The following EXOC4 variants were observed in gnomAD, a reference collection of about 807,000 sequenced individuals.
EXOC4 encodes exocyst complex component 4, also known as SEC8-like 1.
A neutral mutation model predicts 107.2 loss-of-function variants in EXOC4; 71 were observed. The ratio of observed to expected loss-of-function variants is 0.66; its 90% CI spans 0.55 to 0.81. EXOC4 has a LOEUF of 0.81. EXOC4 is among the 30% of genes least tolerant of loss of function. The pLI is 0.00. For synonymous variants in EXOC4, 456 were observed against 441.2 expected, an observed-to-expected ratio of 1.03 and a Z score of -0.42; for missense variants, 1,108 against 1,189.6, an observed-to-expected ratio of 0.93 and a Z score of 1.01.
chr7:133,969,999 G>T (rs1477395765), intron 14 of EXOC4, among the ~76,000 whole-genome samples: 1 of 152,178 alleles, frequency 6.6e-6, no homozygotes. Flanking sequence ...TTATCCATAA[G>T]CCCCTGACTG....
chr7:133,484,681 T>G (rs1473161420), intron 9 of EXOC4, among the ~76,000 whole-genome samples: 1 of 152,136 alleles, frequency 6.6e-6, no homozygotes, highest in Non-Finnish European at 1.5e-5. Context: ...TTTAGGGGAA[T>G]GTTGTGACTA....
chr7:133,436,545 T>A (rs946308588), intron 7 of EXOC4, among the ~76,000 whole-genome samples: 4 of 151,810 alleles, frequency 2.6e-5, no homozygotes, highest in Non-Finnish European at 5.9e-5. Context: ...TATGGGATAC[T>A]CTACTGGCAT....
chr7:133,266,414 T>G (rs1793731834), intron 1 of EXOC4, among the ~76,000 whole-genome samples: 1 of 152,202 alleles, frequency 6.6e-6, no homozygotes. Flanking sequence ...CCCTGGGCAC[T>G]CTTATTATTT....
intron 7 of EXOC4, among the ~76,000 whole-genome samples, chr7:133,420,426 T>C (rs1364691458): frequency 2.0e-5 from 3 of 152,166 alleles, no homozygotes; most frequent in Non-Finnish European, 4.4e-5. Flanking sequence ...TTTTTCTTGC[T>C]GCTCCAGGAT....
chr7:133,330,641 G>A (rs962181972), intron 5 of EXOC4, among the ~76,000 whole-genome samples: 10 of 129,370 alleles, frequency 7.7e-5, no homozygotes, highest in Admixed American at 2.6e-4. Flanking sequence ...TGTTCCTCAC[G>A]GCACGGCACA....
chr7:134,079,246 C>G, the EXOC4 span, among the ~76,000 whole-genome samples: 1 of 152,154 alleles, frequency 6.6e-6, no homozygotes, highest in South Asian at 2.1e-4. Context: ...CTGTCCAGCA[C>G]CTTATTGGAA....
At chr7:133,695,624 A>G (rs1403152048) in intron 10 of EXOC4, among the ~76,000 whole-genome samples, 1 of 152,184 alleles carries the variant, frequency 6.6e-6, no homozygotes, top group Admixed American at 6.5e-5. Flanking sequence ...TAATAATGTT[A>G]TAATTAACTA....
rs151158616 is a variant in EXOC4, at chr7:134,051,635, G to A, written c.2688-12656G>A. 2.7e-5 allele frequency among the ~76,000 whole-genome samples: 4 copies of A among 146,988 alleles called. No homozygotes were observed. The East Asian group carries it at 6.1e-4, about 22-fold the overall frequency. ...TGCAGTGAGCCGAGATCGCGCCGCTGCACTCCAGCCTGGGAGACAGAGCGA... is the reference window on the plus strand; with the variant it reads ...TGCAGTGAGCCGAGATCGCGCCGCTACACTCCAGCCTGGGAGACAGAGCGA... On this transcript the variant is annotated intron_variant, in intron 17 of 17. Transcript: ENST00000253861.
chr7:133,570,154 G>A (rs1000385315), intron 9 of EXOC4, among the ~76,000 whole-genome samples: 4 of 152,106 alleles, frequency 2.6e-5, no homozygotes, highest in African/African-American at 9.7e-5. Flanking sequence ...ATAATAGTTG[G>A]CACAGTGTCA....
At chr7:133,844,451 G>A (rs902515718) in intron 11 of EXOC4, among the ~76,000 whole-genome samples, 10 of 136,894 alleles carry the variant, frequency 7.3e-5, no homozygotes, top group South Asian at 2.4e-4. Flanking sequence ...GTACAGTGGC[G>A]CGATCTTGGC....
intron 14 of EXOC4, among the ~76,000 whole-genome samples, chr7:133,955,853 T>C (rs1182345965): frequency 6.6e-6 from 1 of 152,238 alleles, no homozygotes; most frequent in Non-Finnish European, 1.5e-5. Flanking sequence ...TGCCCAGGCT[T>C]AGCCTCAACT....
At chr7:133,491,079 T>A (rs1799363919) in intron 9 of EXOC4, among the ~76,000 whole-genome samples, 1 of 152,208 alleles carries the variant, frequency 6.6e-6, no homozygotes, top group Non-Finnish European at 1.5e-5. Context: ...GAGCTCTGTG[T>A]GCTCACATCT....
At chr7:133,672,557 A>G (rs1306961089) in intron 10 of EXOC4, among the ~76,000 whole-genome samples, 2 of 152,138 alleles carry the variant, frequency 1.3e-5, no homozygotes, top group African/African-American at 2.4e-5. Flanking sequence ...AGTGTTTTGT[A>G]AGGTTGTGAG....
rs1216504244 is a variant in EXOC4 at position 133,661,682 on chromosome 7, AAAAAAAC to A, written c.1514+31548_1514+31554del. Among the ~76,000 whole-genome samples the A allele has an allele frequency of 3.5e-4, 45 of 128,274 alleles. 2 individuals are homozygous for A. The highest frequency in any genetic ancestry group is 3.8e-4 in the Non-Finnish European group (23 of 60,240). 84.2% of individuals were successfully genotyped at this position (128,274 alleles called of 152,430 possible). A position where few individuals can be genotyped will look rare whatever the true frequency, so the allele number is the denominator to read the frequency against. On this transcript the variant is annotated intron_variant, in intron 10 of 17. Coordinates refer to ENST00000253861, the MANE Select transcript of EXOC4 (RefSeq NM_021807.4). ...TCCACTCCTTAAAACTAAAAAAAAAAAAAAAACAAAAAAAAAAAAAACAAGAATTTTG... is the reference window on the plus strand; with the variant it reads ...TCCACTCCTTAAAACTAAAAAAAAAAAAAAAAAAAAAAAACAAGAATTTTG...
At chr7:133,539,271 G>A (rs1463628140) in intron 9 of EXOC4, among the ~76,000 whole-genome samples, 1 of 149,976 alleles carries the variant, frequency 6.7e-6, no homozygotes, top group South Asian at 2.1e-4. Context: ...GTGATGCTTC[G>A]ATTTGGTATG....
At chr7:133,908,656 G>T (rs530713796) in intron 12 of EXOC4, among the ~76,000 whole-genome samples, 1 of 152,282 alleles carries the variant, frequency 6.6e-6, no homozygotes, top group South Asian at 2.1e-4. Flanking sequence ...TGGTTGTGAG[G>T]ATTAAAAGTT....
At chr7:133,480,438 T>C (rs1164998634) in intron 9 of EXOC4, 7 of 1,144,634 alleles carry the variant, frequency 6.1e-6, no homozygotes, top group East Asian at 9.5e-5. Context: ...TAGGAGAATG[T>C]TGGTCTTCTG....
intron 14 of EXOC4, among the ~76,000 whole-genome samples, chr7:133,941,851 C>CTCTCTCTCTCTCTCTCTCTCTCTT (rs1330545954): frequency 1.3e-5 from 2 of 151,788 alleles, no homozygotes; most frequent in Non-Finnish European, 2.9e-5. Flanking sequence ...CTCTCTCTCT[C>CTCTCTCTCTCTCTCTCTCTCTCTT]GGATCTAAGT....
rs559761997 is a variant in EXOC4, at chr7:133,840,403, A to C, written c.1734+22859A>C. Among the ~76,000 whole-genome samples the C allele has an allele frequency of 3.3e-5, 5 of 152,340 alleles. No individual in the cohort carries two copies. In the East Asian group the frequency reaches 9.6e-4, roughly 29 times the overall value. Reference sequence around the variant, plus strand: ...GCAACAACAACAAAAATCTATTACAAAGGTTACCTCAGATAGGAAGGGAGA... The same window carrying C: ...GCAACAACAACAAAAATCTATTACACAGGTTACCTCAGATAGGAAGGGAGA... On this transcript the variant is annotated intron_variant, in intron 11 of 17. Coordinates refer to ENST00000253861, the MANE Select transcript of EXOC4 (RefSeq NM_021807.4).
Sources: gnomAD v4.1 joint callset for allele counts (sites outside exome capture counted in the v4.1 genomes callset) on GRCh38, gnomAD v4.1.1 for gene constraint, MANE v1.5 for transcripts, NCBI Gene and HGNC (gene_info 2026-07-23, HGNC 2026-07-21) for gene names.